Variants in GALNT7 observed in about 807,000 individuals in gnomAD.
The protein encoded by GALNT7 is polypeptide N-acetylgalactosaminyltransferase 7.
GALNT7 carries 60 observed loss-of-function variants against 82.1 expected under a neutral mutation model. The ratio of observed to expected loss-of-function variants is 0.73; its 90% CI spans 0.59 to 0.91. The LOEUF is 0.91. Among genes scored for constraint, GALNT7 ranks in the 40% least tolerant of loss-of-function variants. The pLI is 0.00. For missense variants in GALNT7, 660 were observed against 804.2 expected (o/e 0.82, Z 2.17); for synonymous variants, 243 against 275.1 (o/e 0.88, Z 1.15).
chr4:173,249,159 T>C (rs536182322), intron 2 of GALNT7, among the ~76,000 whole-genome samples: 131 of 152,332 alleles, frequency 8.6e-4, no homozygotes, highest in South Asian at 2.1e-3. Context: ...TACTATAGGA[T>C]CTACATAGCT....
chr4:173,312,048 T>C (rs1737405062), intron 8 of GALNT7, among the ~76,000 whole-genome samples: 1 of 152,226 alleles, frequency 6.6e-6, no homozygotes, highest in Non-Finnish European at 1.5e-5. Flanking sequence ...TGTTTGTGTA[T>C]TATCTACGGT....
At chr4:173,316,664 A>C (rs974995340) in intron 9 of GALNT7, 2 of 152,176 alleles carry the variant, frequency 1.3e-5, no homozygotes, top group Admixed American at 6.5e-5. Flanking sequence ...TGAATGAATA[A>C]ATGGAATTTT....
At chr4:173,258,522 A>G (rs1217493315) in intron 2 of GALNT7, among the ~76,000 whole-genome samples, 1 of 152,106 alleles carries the variant, frequency 6.6e-6, no homozygotes, top group Non-Finnish European at 1.5e-5. Flanking sequence ...GCTGATGGAG[A>G]TGGGGGGGCC....
intron 1 of GALNT7, among the ~76,000 whole-genome samples, chr4:173,228,270 A>T (rs1733902825): frequency 1.3e-5 from 1 of 78,116 alleles, no homozygotes; most frequent in African/African-American, 3.4e-5. Flanking sequence ...CACCAGAGAA[A>T]ACTGCTTTTA....
chr4:173,178,642 A>C lies in GALNT7; in HGVS notation c.126+9681A>C, dbSNP rs1732151418. On this transcript the variant is annotated intron_variant, in intron 1 of 11. Transcript: ENST00000265000. The stretch of plus-strand genomic sequence containing the variant: ...AGCATTTAAACATGCCGACAGGGAG[A>C]CCTGATTCACTTCACTGAATACAAG... Among the ~76,000 whole-genome samples the C allele has an allele frequency of 2.0e-5, 3 of 152,196 alleles. No homozygotes were observed. The South Asian group carries it at 6.2e-4, about 32-fold the overall frequency.
At chr4:173,258,974 A>G (rs1231139669) in intron 2 of GALNT7, among the ~76,000 whole-genome samples, 1 of 152,210 alleles carries the variant, frequency 6.6e-6, no homozygotes, top group Non-Finnish European at 1.5e-5. Flanking sequence ...CTTTGTTGAC[A>G]GTTCTTTGTC....
At chr4:173,261,424 A>C (rs1192729970) in intron 2 of GALNT7, among the ~76,000 whole-genome samples, 1 of 151,978 alleles carries the variant, frequency 6.6e-6, no homozygotes, top group Non-Finnish European at 1.5e-5. Context: ...AAAACAAAAC[A>C]AGGTTGAATG....
intron 2 of GALNT7, among the ~76,000 whole-genome samples, chr4:173,288,508 C>G (rs978251456): frequency 6.6e-6 from 1 of 151,938 alleles, no homozygotes; most frequent in Non-Finnish European, 1.5e-5. Flanking sequence ...GCTGTAGGAT[C>G]TGAGATGTTA....
At chr4:173,309,248 C>T (rs957670396) in intron 8 of GALNT7, among the ~76,000 whole-genome samples, 1 of 152,198 alleles carries the variant, frequency 6.6e-6, no homozygotes, top group African/African-American at 2.4e-5. Flanking sequence ...AGTTCTAGTT[C>T]CTTCTATTGA....
At chr4:173,283,421 C>A (rs531458477) in intron 2 of GALNT7, among the ~76,000 whole-genome samples, 1 of 152,130 alleles carries the variant, frequency 6.6e-6, no homozygotes, top group East Asian at 1.9e-4. Context: ...AGGCAGATCA[C>A]CTGAGGTCAG....
At chr4:173,193,571 A>G (rs924091525) in intron 1 of GALNT7, among the ~76,000 whole-genome samples, 3 of 152,192 alleles carry the variant, frequency 2.0e-5, no homozygotes, top group Non-Finnish European at 4.4e-5. Context: ...TAATTTTTTA[A>G]AGTGATACTT....
At chr4:173,272,209 A>G (rs1735753634) in intron 2 of GALNT7, among the ~76,000 whole-genome samples, 2 of 151,596 alleles carry the variant, frequency 1.3e-5, no homozygotes, top group Admixed American at 6.6e-5. Flanking sequence ...GCCCTTTTCC[A>G]TTTTTCTCTT....
intron 2 of GALNT7, among the ~76,000 whole-genome samples, chr4:173,259,964 A>C (rs1426883721): frequency 6.6e-6 from 1 of 152,218 alleles, no homozygotes; most frequent in Non-Finnish European, 1.5e-5. Context: ...AATTAGAAGA[A>C]TTGCTAATAC....
At chr4:173,183,881 A>T (rs1341647187) in intron 1 of GALNT7, among the ~76,000 whole-genome samples, 1 of 150,312 alleles carries the variant, frequency 6.7e-6, no homozygotes, top group Non-Finnish European at 1.5e-5. Context: ...CACTTCCCAG[A>T]CGGGGCGGCT....
At chr4:173,295,588 T>G in intron 4 of GALNT7, 62 bp downstream of exon 4, 1 of 1,478,168 alleles carries the variant, frequency 6.8e-7, no homozygotes, top group Non-Finnish European at 9.4e-7. Context: ...ATCATACACA[T>G]TTTTAATCAT....
chr4:173,234,767 C>A (rs1734157478), intron 1 of GALNT7, among the ~76,000 whole-genome samples: 1 of 152,100 alleles, frequency 6.6e-6, no homozygotes, highest in African/African-American at 2.4e-5. Flanking sequence ...TAAGTGAGTT[C>A]TCATTCTGTT....
At chr4:173,286,443 C>T (rs1321183811) in intron 2 of GALNT7, among the ~76,000 whole-genome samples, 1 of 152,216 alleles carries the variant, frequency 6.6e-6, no homozygotes, top group African/African-American at 2.4e-5. Context: ...ACCCAGTGGC[C>T]TCTGGCACCA....
intron 1 of GALNT7, among the ~76,000 whole-genome samples, chr4:173,235,054 G>A (rs772743522): frequency 9.9e-5 from 15 of 152,040 alleles, no homozygotes; most frequent in Non-Finnish European, 1.8e-4. Context: ...ATACAAATGG[G>A]CGAAGACACT....
At chr4:173,304,355 C>T (rs1346435313) in intron 8 of GALNT7, among the ~76,000 whole-genome samples, 1 of 151,708 alleles carries the variant, frequency 6.6e-6, no homozygotes, top group Non-Finnish European at 1.5e-5. Context: ...GCTATGATTG[C>T]ACCACTGCAC....
Sources: gnomAD v4.1 joint callset for allele counts (sites outside exome capture counted in the v4.1 genomes callset) on GRCh38, gnomAD v4.1.1 for gene constraint, MANE v1.5 for transcripts, NCBI Gene and HGNC (gene_info 2026-07-23, HGNC 2026-07-21) for gene names.